Variants in CYP7B1 observed in about 807,000 individuals in gnomAD.
The protein encoded by CYP7B1 is cytochrome P450 7B1.
In CYP7B1, 29 loss-of-function variants were observed where a neutral mutation model predicts 42.7. The observed-to-expected ratio is 0.68, with a 90% CI of 0.51 to 0.93. CYP7B1 has a LOEUF of 0.93. Ranked by LOEUF, CYP7B1 falls within the 40% of genes least tolerant of loss-of-function variation. CYP7B1 has a pLI of 0.00. For synonymous variants in CYP7B1, 235 were observed against 218.2 expected, an observed-to-expected ratio of 1.08 and a Z score of -0.68; for missense variants, 655 against 600.5, an observed-to-expected ratio of 1.09 and a Z score of -0.95.
rs982462186 is a variant in CYP7B1, at chr8:64,615,453, A to G, written c.851-221T>C. 1.7e-4 allele frequency among the ~76,000 whole-genome samples: 26 copies of G among 150,410 alleles called. 1 individual carries two copies. Among genetic ancestry groups the G allele is most frequent in the African/African-American group, 6.4e-4 (26 of 40,884 alleles). On this transcript the variant is annotated intron_variant, in intron 3 of 5. Coordinates refer to ENST00000310193, the MANE Select transcript of CYP7B1 (RefSeq NM_004820.5). Reference sequence around the variant, plus strand: ...GTGTGGTGGGGGATGAGATAAGAGGAGTAAATGCAGCTTAGTTATACTCTT... The same window carrying G: ...GTGTGGTGGGGGATGAGATAAGAGGGGTAAATGCAGCTTAGTTATACTCTT...
chr8:64,772,338 A>G (rs961401031), intron 1 of CYP7B1, among the ~76,000 whole-genome samples: 1 of 152,172 alleles, frequency 6.6e-6, no homozygotes, highest in East Asian at 1.9e-4. Flanking sequence ...GATGAAATCA[A>G]CTTTTAGCTC....
chr8:64,637,742 T>G (rs1805794649), intron 1 of CYP7B1, among the ~76,000 whole-genome samples: 1 of 152,218 alleles, frequency 6.6e-6, no homozygotes, highest in African/African-American at 2.4e-5. Flanking sequence ...TGAAATAAAC[T>G]TTCAATGTTT....
intron 1 of CYP7B1, among the ~76,000 whole-genome samples, chr8:64,667,363 G>A (rs561633539): frequency 3.9e-5 from 6 of 152,114 alleles, no homozygotes; most frequent in South Asian, 4.2e-4. Flanking sequence ...ACCATTACTC[G>A]GAGCATGCTG....
intron 1 of CYP7B1, among the ~76,000 whole-genome samples, chr8:64,726,040 T>C (rs1807319199): frequency 6.6e-6 from 1 of 152,234 alleles, no homozygotes; most frequent in Non-Finnish European, 1.5e-5. Context: ...AGGATCTGAC[T>C]GACATTTTTT....
intron 1 of CYP7B1, among the ~76,000 whole-genome samples, chr8:64,756,684 T>C (rs1047225037): frequency 6.6e-6 from 1 of 152,188 alleles, no homozygotes; most frequent in African/African-American, 2.4e-5. Context: ...CTCTGCATCA[T>C]AAAATTTAGC....
chr8:64,596,932 G>A lies in CYP7B1; in HGVS notation c.1234-3C>T, dbSNP rs772579833. ...ATAAAACGATCATATCTAAACTCCT[G>A]TAAGGAAGAATAGTGTTAAAATTAA... On this transcript the variant is annotated splice_region_variant and splice_polypyrimidine_tract_variant and intron_variant, in intron 5 of 5. Transcript: ENST00000310193. The A allele has an allele frequency of 9.4e-6, 15 of 1,602,862 alleles. No individual in the cohort carries two copies. Among genetic ancestry groups the A allele is most frequent in the Admixed American group, 5.1e-5 (3 of 59,344 alleles).
chr8:64,674,908 T>A (rs2129631792), intron 1 of CYP7B1, among the ~76,000 whole-genome samples: 1 of 152,276 alleles, frequency 6.6e-6, no homozygotes, highest in East Asian at 1.9e-4. Context: ...GACTCAAAGT[T>A]ATTGCACAAT....
At chr8:64,741,523 T>C (rs1013664723) in intron 1 of CYP7B1, among the ~76,000 whole-genome samples, 8 of 152,164 alleles carry the variant, frequency 5.3e-5, no homozygotes, top group Non-Finnish European at 1.0e-4. Context: ...TTCTCCATGT[T>C]GGTCAGGCTG....
At chr8:64,665,727 C>T (rs953010606) in intron 1 of CYP7B1, among the ~76,000 whole-genome samples, 6 of 151,912 alleles carry the variant, frequency 3.9e-5, no homozygotes, top group Admixed American at 1.3e-4. Context: ...CAGGCATGTG[C>T]CACCATGCCT....
intron 5 of CYP7B1, among the ~76,000 whole-genome samples, chr8:64,598,045 C>T (rs1805144564): frequency 6.6e-6 from 1 of 152,128 alleles, no homozygotes; most frequent in Non-Finnish European, 1.5e-5. Context: ...GAACCATTTC[C>T]TTTAAAACTA....
intron 1 of CYP7B1, among the ~76,000 whole-genome samples, chr8:64,761,482 A>G (rs12548518): frequency 0.41 from 61,827 of 151,906 alleles, 15,121 homozygotes; most frequent in Non-Finnish European, 0.51. Context: ...TTATGTGTCA[A>G]TAAAGCTTGG....
chr8:64,705,418 T>G (rs1806981210), intron 1 of CYP7B1, among the ~76,000 whole-genome samples: 1 of 151,924 alleles, frequency 6.6e-6, no homozygotes, highest in Non-Finnish European at 1.5e-5. Context: ...AATAAATGAA[T>G]GAATGACTGA....
intron 1 of CYP7B1, among the ~76,000 whole-genome samples, chr8:64,733,656 T>C (rs1255699445): frequency 2.6e-5 from 4 of 152,162 alleles, no homozygotes; most frequent in African/African-American, 9.7e-5. Context: ...AAATTTCTAC[T>C]CAGCTTTGAG....
At chr8:64,683,434 T>C (rs1806569726) in intron 1 of CYP7B1, among the ~76,000 whole-genome samples, 1 of 152,190 alleles carries the variant, frequency 6.6e-6, no homozygotes, top group Non-Finnish European at 1.5e-5. Flanking sequence ...GGATGGTTAC[T>C]AGAGGCTGCA....
chr8:64,718,121 T>C (rs1305402728), intron 1 of CYP7B1, among the ~76,000 whole-genome samples: 1 of 152,014 alleles, frequency 6.6e-6, no homozygotes, highest in Non-Finnish European at 1.5e-5. Flanking sequence ...ATATCTAGTA[T>C]ATGGCATTTC....
At chr8:64,630,491 T>C (rs1805672971) in intron 1 of CYP7B1, among the ~76,000 whole-genome samples, 1 of 152,248 alleles carries the variant, frequency 6.6e-6, no homozygotes, top group South Asian at 2.1e-4. Flanking sequence ...GATTAGTTTT[T>C]CCTTGCTATT....
intron 1 of CYP7B1, among the ~76,000 whole-genome samples, chr8:64,729,211 T>C (rs1027024002): frequency 1.3e-5 from 2 of 152,118 alleles, no homozygotes; most frequent in Non-Finnish European, 2.9e-5. Context: ...CTAATGTAAA[T>C]ATGTATTTCA....
At chr8:64,616,809 G>A (rs1805455733) in intron 2 of CYP7B1, among the ~76,000 whole-genome samples, 1 of 152,112 alleles carries the variant, frequency 6.6e-6, no homozygotes, top group African/African-American at 2.4e-5. Context: ...TTCAACACTG[G>A]CAAAAATCCA....
At chr8:64,641,342 C>A (rs1177401202) in intron 1 of CYP7B1, among the ~76,000 whole-genome samples, 3 of 152,064 alleles carry the variant, frequency 2.0e-5, no homozygotes, top group Non-Finnish European at 4.4e-5. Context: ...TTAAAAGAAT[C>A]AGTCTGGTTG....
Sources: allele counts gnomAD v4.1 joint callset (sites outside exome capture counted in the v4.1 genomes callset), GRCh38; gene constraint gnomAD v4.1.1; transcripts MANE v1.5; gene names NCBI Gene and HGNC (gene_info 2026-07-23, HGNC 2026-07-21).